Variants in ZDHHC17 observed in about 807,000 individuals in gnomAD.
ZDHHC17 encodes the protein zDHHC palmitoyltransferase 17.
A neutral mutation model predicts 90.3 loss-of-function variants in ZDHHC17; 40 were observed. That is an observed-to-expected ratio of 0.44 (90% CI 0.34 to 0.58). The LOEUF (loss-of-function observed/expected upper bound fraction) is 0.58, where lower values mean the gene tolerates loss of function less well. Ranked by LOEUF, ZDHHC17 falls within the 20% of genes least tolerant of loss-of-function variation. ZDHHC17 has a pLI of 0.01. For synonymous variants in ZDHHC17, 235 were observed against 252.4 expected, an observed-to-expected ratio of 0.93 and a Z score of 0.65; for missense variants, 614 against 780.8, an observed-to-expected ratio of 0.79 and a Z score of 2.55.
chr12:76,846,660 G>A lies in ZDHHC17; in HGVS notation c.1488G>A (p.Met496Ile). ...LFFLLFMICW[M>I]IYGCISYWGL... ...TCTTGCTTTTTATGATCTGCTGGATGATTTATGGTTGTATATCTTGTGAGT... is the reference window on the plus strand; with the variant it reads ...TCTTGCTTTTTATGATCTGCTGGATAATTTATGGTTGTATATCTTGTGAGT... The change falls in exon 14 of 17, where the codon ATG becomes ATA. Residue 496 changes from methionine (M) to isoleucine (I), a missense_variant. Met to Ile is a conservative substitution (Grantham distance 10). Coordinates refer to ENST00000426126, the MANE Select transcript of ZDHHC17 (RefSeq NM_015336.4). The A allele has an allele frequency of 6.2e-7, 1 of 1,610,398 alleles. No individual in the cohort carries two copies. Among genetic ancestry groups the A allele is most frequent in the East Asian group, 2.2e-5 (1 of 44,806 alleles).
intron 1 of ZDHHC17, among the ~76,000 whole-genome samples, chr12:76,780,494 A>G (rs1269914170): frequency 2.0e-5 from 3 of 152,234 alleles, no homozygotes; most frequent in Admixed American, 2.0e-4. Context: ...AAAGCAAAAT[A>G]AAAAACTTTA....
chr12:76,830,525 C>T lies in ZDHHC17; in HGVS notation c.1141+2035C>T, dbSNP rs182491656. Among the ~76,000 whole-genome samples, 6 of 152,238 alleles carry T rather than the reference C, an allele frequency of 3.9e-5. No individual in the cohort carries two copies. In the East Asian group the frequency reaches 5.8e-4, roughly 15 times the overall value. The stretch of plus-strand genomic sequence containing the variant: ...ATTCTAGCCTTTTATTATACTTTGA[C>T]TTAAAAATTGTTCCTCAAGGATTTA... On this transcript the variant is annotated intron_variant, in intron 10 of 16. Transcript: ENST00000426126.
chr12:76,769,218 G>A (rs975190925), intron 1 of ZDHHC17: 6 of 197,228 alleles, frequency 3.0e-5, no homozygotes, highest in South Asian at 1.9e-4. Flanking sequence ...GCCACCACAC[G>A]TGGCTAATTT....
chr12:76,824,094 T>A (rs4631927), intron 8 of ZDHHC17, among the ~76,000 whole-genome samples: 90,297 of 151,120 alleles, frequency 0.6, 27,048 homozygotes, highest in East Asian at 0.66. Context: ...ATATGTATAT[T>A]CACACACACA....
At chr12:76,787,168 C>G (rs1215152109) in intron 1 of ZDHHC17, among the ~76,000 whole-genome samples, 1 of 151,962 alleles carries the variant, frequency 6.6e-6, no homozygotes, top group Non-Finnish European at 1.5e-5. Flanking sequence ...GTCACCACGA[C>G]TTGAGTGTGG....
chr12:76,793,581 G>A (rs1369688010), intron 1 of ZDHHC17, among the ~76,000 whole-genome samples: 2 of 152,126 alleles, frequency 1.3e-5, no homozygotes, highest in Non-Finnish European at 2.9e-5. Flanking sequence ...TTACCTTGAG[G>A]CACCTCAGAG....
intron 5 of ZDHHC17, 92 bp from the exon 6 acceptor site, chr12:76,815,054 C>T: frequency 1.3e-6 from 1 of 771,490 alleles, no homozygotes; most frequent in Non-Finnish European, 2.0e-6. Context: ...ATATTCGCTT[C>T]TCCTTTTATA....
rs183245024 is a variant in ZDHHC17, at chr12:76,799,439, A to G, written c.197+1902A>G. 5.5e-3 allele frequency among the ~76,000 whole-genome samples: 833 copies of G among 152,348 alleles called. 2 individuals are homozygous for G. Among genetic ancestry groups the G allele is most frequent in the Admixed American group, 8.6e-3 (132 of 15,306 alleles). ...CCTTAACACTACTCAGTGCAAACCA[A>G]ATTTCAGAATAATGTGATCTTTATT... On this transcript the variant is annotated intron_variant, in intron 2 of 16. Coordinates refer to ENST00000426126, the MANE Select transcript of ZDHHC17 (RefSeq NM_015336.4).
chr12:76,834,304 A>G (rs1344544272), intron 10 of ZDHHC17, among the ~76,000 whole-genome samples: 2 of 152,190 alleles, frequency 1.3e-5, no homozygotes, highest in Admixed American at 6.5e-5. Context: ...TGTTGACAAC[A>G]CTTTTGAAAT....
At chr12:76,794,273 A>G (rs982235122) in intron 1 of ZDHHC17, among the ~76,000 whole-genome samples, 1 of 152,180 alleles carries the variant, frequency 6.6e-6, no homozygotes, top group African/African-American at 2.4e-5. Flanking sequence ...TTAGCTTAAA[A>G]ATTATTATCT....
chr12:76,829,154 A>C (rs1053027209), intron 10 of ZDHHC17, among the ~76,000 whole-genome samples: 2 of 151,868 alleles, frequency 1.3e-5, no homozygotes, highest in African/African-American at 4.9e-5. Context: ...GCGATTTCTC[A>C]AAAAACTAAA....
chr12:76,796,463 A>T (rs1952820514), intron 1 of ZDHHC17, among the ~76,000 whole-genome samples: 1 of 152,104 alleles, frequency 6.6e-6, no homozygotes, highest in Non-Finnish European at 1.5e-5. Context: ...GTAAACTTTG[A>T]ATAGATGTAA....
intron 1 of ZDHHC17, among the ~76,000 whole-genome samples, chr12:76,795,817 C>A (rs1016753973): frequency 6.6e-6 from 1 of 152,066 alleles, no homozygotes; most frequent in African/African-American, 2.4e-5. Context: ...TGAGAACAAC[C>A]TCTTAAAAAA....
In ZDHHC17 at chr12:76,811,914, A is replaced by G. The variant is rs965857530; in HGVS notation, c.543+2057A>G. Among the ~76,000 whole-genome samples the G allele has an allele frequency of 3.3e-5, 5 of 152,130 alleles. No homozygotes were observed. The East Asian group carries it at 9.6e-4, about 29-fold the overall frequency. Reference sequence around the variant, plus strand: ...ACCCCTGACACCTTTGCTTTCCAATATAGTTCGTTGTACACACACTTTGTT... The same window carrying G: ...ACCCCTGACACCTTTGCTTTCCAATGTAGTTCGTTGTACACACACTTTGTT... On this transcript the variant is annotated intron_variant, in intron 5 of 16. Transcript: ENST00000426126.
At position 76,850,829 on chromosome 12, in the gene ZDHHC17, T is replaced by C. The variant is rs926223189; in HGVS notation, c.1761-18T>C. ...TTGTACTGACTGACGTGTTTTCTTT[T>C]TGGGGTGCTGTTTTTAGCCATGGAT... On this transcript the variant is annotated intron_variant, in intron 16 of 16. Transcript: ENST00000426126. 3 of 1,610,080 alleles carry C rather than the reference T, an allele frequency of 1.9e-6. No homozygotes were observed. Among genetic ancestry groups the C allele is most frequent in the Admixed American group, 3.4e-5 (2 of 58,930 alleles).
At chr12:76,793,916 C>T (rs1952789438) in intron 1 of ZDHHC17, among the ~76,000 whole-genome samples, 1 of 152,104 alleles carries the variant, frequency 6.6e-6, no homozygotes, top group South Asian at 2.1e-4. Context: ...GACAGAGTCT[C>T]ACTCTGTTGC....
Position 76,852,337 on chromosome 12 carries a change from A to G in ZDHHC17, c.*1352A>G, listed in dbSNP as rs945930544. On this transcript the variant is annotated 3_prime_UTR_variant, in exon 17 of 17. Transcript: ENST00000426126. ...GGGGAATGGTGGTCAGACTGATGAC[A>G]GATCCTAGACCAATGTAAAGAATGT... 1.3e-5 allele frequency: 2 copies of G among 152,660 alleles called. No individual in the cohort carries two copies. The highest frequency in any genetic ancestry group is 2.4e-5 in the African/African-American group (1 of 41,458). 9.5% of individuals were successfully genotyped at this position (152,660 alleles called of 1,614,324 possible).
chr12:76,807,600 G>T (rs1195613862), intron 3 of ZDHHC17, among the ~76,000 whole-genome samples: 1 of 152,144 alleles, frequency 6.6e-6, no homozygotes, highest in Non-Finnish European at 1.5e-5. Flanking sequence ...AGTTTACAAT[G>T]AAAAGTAATA....
intron 1 of ZDHHC17, among the ~76,000 whole-genome samples, chr12:76,795,779 A>C (rs1200579676): frequency 6.6e-6 from 1 of 152,126 alleles, no homozygotes; most frequent in African/African-American, 2.4e-5. Context: ...TACTAAACCT[A>C]CTCAAGCTAC....
Sources: gnomAD v4.1 joint callset for allele counts (sites outside exome capture counted in the v4.1 genomes callset) on GRCh38, gnomAD v4.1.1 for gene constraint, MANE v1.5 for transcripts, NCBI Gene and HGNC (gene_info 2026-07-23, HGNC 2026-07-21) for gene names.